KCNIP4: variants seen among roughly 807,000 people sequenced by gnomAD.
The protein encoded by KCNIP4 is potassium voltage-gated channel interacting protein 4.
A neutral mutation model predicts 34.0 loss-of-function variants in KCNIP4; 12 were observed. That is an observed-to-expected ratio of 0.35 (90% CI 0.23 to 0.57). The LOEUF is 0.57. Ranked by LOEUF, KCNIP4 falls within the 20% of genes least tolerant of loss-of-function variation. KCNIP4 has a pLI of 0.83. For synonymous variants in KCNIP4, 124 were observed against 102.2 expected (o/e 1.21, Z -1.29); for missense variants, 238 against 311.7 (o/e 0.76, Z 1.78).
chr4:21,269,825 AC>A (rs1203225377), intron 1 of KCNIP4, among the ~76,000 whole-genome samples: 3 of 152,186 alleles, frequency 2.0e-5, no homozygotes, highest in Non-Finnish European at 4.4e-5. Context: ...CATAGAAAGA[AC>A]AGGGACTCAA....
intron 1 of KCNIP4, among the ~76,000 whole-genome samples, chr4:21,228,244 G>A (rs141432443): frequency 0.021 from 3,129 of 152,204 alleles, 50 homozygotes; most frequent in Non-Finnish European, 0.03. Flanking sequence ...TCATGATAGT[G>A]AGTGAGTTCT....
At chr4:21,043,874 A>G (rs1407569866) in intron 1 of KCNIP4, among the ~76,000 whole-genome samples, 1 of 152,162 alleles carries the variant, frequency 6.6e-6, no homozygotes, top group African/African-American at 2.4e-5. Flanking sequence ...AGAACCTCAA[A>G]TCTATTGAAC....
At chr4:21,868,238 G>C (rs1725547970) in intron 1 of KCNIP4, among the ~76,000 whole-genome samples, 1 of 151,918 alleles carries the variant, frequency 6.6e-6, no homozygotes, top group African/African-American at 2.4e-5. Context: ...GAAAGTTTAG[G>C]GCTTGAGAAC....
At chr4:20,826,346 G>A (rs144865054) in intron 3 of KCNIP4, among the ~76,000 whole-genome samples, 1 of 152,128 alleles carries the variant, frequency 6.6e-6, no homozygotes, top group African/African-American at 2.4e-5. Flanking sequence ...AGGCAAAGGT[G>A]CAAGGATTGC....
chr4:21,904,069 A>G (rs1207670124), intron 1 of KCNIP4, among the ~76,000 whole-genome samples: 2 of 152,152 alleles, frequency 1.3e-5, no homozygotes, highest in Admixed American at 6.6e-5. Flanking sequence ...ACAATTTTTA[A>G]GACTGGAAAC....
In KCNIP4 at chr4:21,177,668, AAAAAACAAACAAAC is replaced by A. The variant is rs200011996; in HGVS notation, c.62-294973_62-294960del. Among the ~76,000 whole-genome samples the A allele has an allele frequency of 6.1e-3, 919 of 151,500 alleles. 7 individuals are homozygous for A. The highest frequency in any genetic ancestry group is 0.02 in the African/African-American group (816 of 41,146). Reference sequence around the variant, plus strand: ...AACATGACAAAACCCGGTCTCTACTAAAAAACAAACAAACAAAAACAAACAAACAAAAAACAACA... The same window carrying A: ...AACATGACAAAACCCGGTCTCTACTAAAAAACAAACAAACAAAAAACAACA... On this transcript the variant is annotated intron_variant, in intron 1 of 8. Transcript: ENST00000382152.
intron 1 of KCNIP4, among the ~76,000 whole-genome samples, chr4:21,928,036 A>G (rs1035205934): frequency 6.6e-6 from 1 of 151,902 alleles, no homozygotes; most frequent in African/African-American, 2.4e-5. Flanking sequence ...TAGCAAAAAT[A>G]CGATCTTCAT....
At chr4:20,938,860 A>G (rs1731350965) in intron 1 of KCNIP4, among the ~76,000 whole-genome samples, 1 of 152,242 alleles carries the variant, frequency 6.6e-6, no homozygotes, top group Non-Finnish European at 1.5e-5. Flanking sequence ...CCTGAGAGCT[A>G]TACTTCAACC....
At chr4:20,856,726 C>A (rs1464901826) in intron 2 of KCNIP4, among the ~76,000 whole-genome samples, 1 of 152,076 alleles carries the variant, frequency 6.6e-6, no homozygotes, top group Non-Finnish European at 1.5e-5. Flanking sequence ...TGTTGGTGGA[C>A]CTCAAATGTC....
At chr4:21,790,035 T>C (rs540378570) in intron 1 of KCNIP4, among the ~76,000 whole-genome samples, 1 of 152,290 alleles carries the variant, frequency 6.6e-6, no homozygotes, top group East Asian at 1.9e-4. Flanking sequence ...GAAACTGCCA[T>C]GAAAAGCTGC....
intron 1 of KCNIP4, among the ~76,000 whole-genome samples, chr4:21,336,668 G>A (rs1578095016): frequency 6.6e-6 from 1 of 151,958 alleles, no homozygotes; most frequent in African/African-American, 2.4e-5. Flanking sequence ...TACTGAAATT[G>A]GAGGAACCAA....
At chr4:21,155,048 A>G (rs954738784) in intron 1 of KCNIP4, among the ~76,000 whole-genome samples, 6 of 152,224 alleles carry the variant, frequency 3.9e-5, no homozygotes, top group Non-Finnish European at 5.9e-5. Context: ...AAAATTTTTA[A>G]TTTTGCAGTC....
intron 1 of KCNIP4, among the ~76,000 whole-genome samples, chr4:21,181,171 A>G (rs1234333368): frequency 6.6e-6 from 1 of 152,136 alleles, no homozygotes; most frequent in East Asian, 1.9e-4. Flanking sequence ...GAAATAGCAT[A>G]AAGACATTTA....
intron 1 of KCNIP4, among the ~76,000 whole-genome samples, chr4:21,342,182 A>G (rs1420603044): frequency 6.6e-6 from 1 of 152,058 alleles, no homozygotes; most frequent in Non-Finnish European, 1.5e-5. Flanking sequence ...ATTGTGACTC[A>G]AAAGTGTAGA....
chr4:20,956,496 C>T (rs1314963006), intron 1 of KCNIP4, among the ~76,000 whole-genome samples: 2 of 102,610 alleles, frequency 1.9e-5, no homozygotes, highest in Admixed American at 1.1e-4. Context: ...CAGTGCAAGA[C>T]TTCCTTCCAA....
At chr4:21,463,537 T>C (rs1274237604) in intron 1 of KCNIP4, among the ~76,000 whole-genome samples, 1 of 151,246 alleles carries the variant, frequency 6.6e-6, no homozygotes, top group Non-Finnish European at 1.5e-5. Context: ...TTTCACTTAG[T>C]ATAATATTTT....
chr4:21,197,618 T>C (rs1199281642), intron 1 of KCNIP4, among the ~76,000 whole-genome samples: 1 of 152,126 alleles, frequency 6.6e-6, no homozygotes, highest in Non-Finnish European at 1.5e-5. Context: ...GCTGTATTTA[T>C]TGCAAATATA....
At chr4:21,721,589 T>C (rs1249447713) in intron 1 of KCNIP4, among the ~76,000 whole-genome samples, 1 of 152,180 alleles carries the variant, frequency 6.6e-6, no homozygotes. Context: ...AAGTAATTTC[T>C]GGGGGCAAGT....
intron 1 of KCNIP4, among the ~76,000 whole-genome samples, chr4:21,706,597 C>T (rs149737339): frequency 3.9e-5 from 6 of 152,248 alleles, no homozygotes; most frequent in African/African-American, 1.4e-4. Flanking sequence ...ATCCTCATTG[C>T]TTCTTAGAAT....
Sources: gnomAD v4.1 joint callset for allele counts (sites outside exome capture counted in the v4.1 genomes callset) on GRCh38, gnomAD v4.1.1 for gene constraint, MANE v1.5 for transcripts, NCBI Gene and HGNC (gene_info 2026-07-23, HGNC 2026-07-21) for gene names.